Variants in HS3ST3A1 observed in about 807,000 individuals in gnomAD.
HS3ST3A1 encodes the protein heparan sulfate-glucosamine 3-sulfotransferase 3A1, also known as heparan sulfate glucosamine 3-O-sulfotransferase 3A1.
HS3ST3A1 carries 19 observed loss-of-function variants against 25.7 expected under a neutral mutation model. The observed-to-expected ratio is 0.74, with a 90% CI of 0.52 to 1.08. The LOEUF (loss-of-function observed/expected upper bound fraction) is 1.08. Ranked by LOEUF, HS3ST3A1 falls within the 50% of genes least tolerant of loss-of-function variation. The pLI is 0.00. For missense variants in HS3ST3A1, 459 were observed against 594.3 expected (o/e 0.77, Z 2.37); for synonymous variants, 226 against 278.6 (o/e 0.81, Z 1.88).
intron 1 of HS3ST3A1, among the ~76,000 whole-genome samples, chr17:13,527,138 T>G (rs879483379): frequency 6.6e-6 from 1 of 152,132 alleles, no homozygotes; most frequent in African/African-American, 2.4e-5. Context: ...AAACAGCAGG[T>G]CCCAGGACTG....
intron 1 of HS3ST3A1, among the ~76,000 whole-genome samples, chr17:13,529,742 G>A (rs918115212): frequency 6.6e-6 from 1 of 152,096 alleles, no homozygotes; most frequent in African/African-American, 2.4e-5. Context: ...CATTTTGTGG[G>A]TTGACTTTGA....
intron 1 of HS3ST3A1, among the ~76,000 whole-genome samples, chr17:13,556,672 T>G (rs542037488): frequency 4.8e-4 from 72 of 151,282 alleles, no homozygotes; most frequent in African/African-American, 1.3e-3. Flanking sequence ...GCCAACATGG[T>G]GAAACCCTGT....
chr17:13,590,075 C>T (rs895244775), intron 1 of HS3ST3A1, among the ~76,000 whole-genome samples: 4 of 152,074 alleles, frequency 2.6e-5, no homozygotes, highest in African/African-American at 7.2e-5. Flanking sequence ...TCTGAACACT[C>T]GAGAGAGAAA....
At chr17:13,560,294 A>AAAAAAAAAAAAAAT (rs1477527492) in intron 1 of HS3ST3A1, among the ~76,000 whole-genome samples, 1 of 124,428 alleles carries the variant, frequency 8.0e-6, no homozygotes, top group Non-Finnish European at 1.6e-5. Flanking sequence ...GTCTCCAAAA[A>AAAAAAAAAAAAAAT]AAAAAAAAAA....
intron 1 of HS3ST3A1, among the ~76,000 whole-genome samples, chr17:13,593,233 CAAAAA>C (rs5819419): frequency 9.7e-6 from 1 of 103,170 alleles, no homozygotes; most frequent in African/African-American, 3.6e-5. Flanking sequence ...TGTTTGTAGC[CAAAAA>C]AAAAAAAAAA....
chr17:13,586,058 A>G (rs1254135816), intron 1 of HS3ST3A1, among the ~76,000 whole-genome samples: 1 of 151,662 alleles, frequency 6.6e-6, no homozygotes, highest in Non-Finnish European at 1.5e-5. Flanking sequence ...CATGTTGACC[A>G]GGATGGTCTT....
At chr17:13,559,097 A>G (rs3826370) in intron 1 of HS3ST3A1, among the ~76,000 whole-genome samples, 54,116 of 152,138 alleles carry the variant, frequency 0.36, 12,171 homozygotes, top group African/African-American at 0.64. Context: ...ACAATTATGT[A>G]AAACAAGGAA....
chr17:13,515,736 C>T lies in HS3ST3A1; in HGVS notation c.600-18918G>A, dbSNP rs565929640. Among the ~76,000 whole-genome samples, 8 of 152,200 alleles carry T rather than the reference C, an allele frequency of 5.3e-5. No individual in the cohort carries two copies. The South Asian group carries it at 1.5e-3, about 28-fold the overall frequency. ...ACTGCCAAACTGTTTTAAAAAGTGT[C>T]TCCCATTTCTCATTTCCCAAAAGCA... On this transcript the variant is annotated intron_variant, in intron 1 of 1. Transcript: ENST00000284110.
chr17:13,534,498 G>C (rs191952950), intron 1 of HS3ST3A1, among the ~76,000 whole-genome samples: 1 of 125,580 alleles, frequency 8.0e-6, no homozygotes, highest in African/African-American at 3.0e-5. Flanking sequence ...GAGCCCAGGA[G>C]TTTGAGACCA....
intron 1 of HS3ST3A1, among the ~76,000 whole-genome samples, chr17:13,522,603 C>T (rs1906283241): frequency 6.6e-6 from 1 of 152,086 alleles, no homozygotes; most frequent in African/African-American, 2.4e-5. Context: ...TTATATATTT[C>T]AGGAGACAAT....
chr17:13,578,118 C>T (rs768197471), intron 1 of HS3ST3A1, among the ~76,000 whole-genome samples: 81 of 152,042 alleles, frequency 5.3e-4, no homozygotes, highest in Non-Finnish European at 6.9e-4. Flanking sequence ...AAGGAGTCCA[C>T]GGCAGTTTTA....
intron 1 of HS3ST3A1, among the ~76,000 whole-genome samples, chr17:13,560,572 G>T (rs117878017): frequency 6.6e-6 from 1 of 152,062 alleles, no homozygotes; most frequent in African/African-American, 2.4e-5. Context: ...CGTGTGTCTG[G>T]ATTTTTGGTT....
chr17:13,580,585 G>C (rs1908083715), intron 1 of HS3ST3A1, among the ~76,000 whole-genome samples: 1 of 152,064 alleles, frequency 6.6e-6, no homozygotes, highest in African/African-American at 2.4e-5. Context: ...CAGATTTTAG[G>C]GGTAAGACTC....
intron 1 of HS3ST3A1, among the ~76,000 whole-genome samples, chr17:13,586,684 G>C (rs1315568443): frequency 1.3e-5 from 2 of 150,752 alleles, no homozygotes; most frequent in East Asian, 1.9e-4. Context: ...TGGCTAACAC[G>C]GTGAAACCCC....
chr17:13,550,315 T>C (rs867273814), intron 1 of HS3ST3A1, among the ~76,000 whole-genome samples: 11 of 152,278 alleles, frequency 7.2e-5, no homozygotes, highest in South Asian at 4.1e-4. Context: ...CTACACCTCA[T>C]TTGCCAACCT....
chr17:13,553,069 G>T (rs1907285027), intron 1 of HS3ST3A1, among the ~76,000 whole-genome samples: 2 of 152,082 alleles, frequency 1.3e-5, no homozygotes, highest in Admixed American at 1.3e-4. Flanking sequence ...GTTTTTCATG[G>T]GGCAGAGTCT....
chr17:13,596,878 C>T (rs911009708), intron 1 of HS3ST3A1, among the ~76,000 whole-genome samples: 7 of 152,012 alleles, frequency 4.6e-5, no homozygotes, highest in East Asian at 3.9e-4. Flanking sequence ...TCCTAGGAAT[C>T]GAAAGGGCCT....
Position 13,494,428 on chromosome 17 carries a change from TTAA to T in HS3ST3A1, c.*1766_*1768del, listed in dbSNP as rs1391401134. 2.6e-5 allele frequency among the ~76,000 whole-genome samples: 4 copies of T among 152,236 alleles called. No individual in the cohort carries two copies. The highest frequency in any genetic ancestry group is 4.8e-5 in the African/African-American group (2 of 41,466). On this transcript the variant is annotated 3_prime_UTR_variant, in exon 2 of 2. Transcript: ENST00000284110. ...TTTTTTCCTTCATTTTAATCCTGTG[TTAA>T]GCTTCTCAAGAAATATTTACATCAC...
At chr17:13,536,100 T>C (rs1456055109) in intron 1 of HS3ST3A1, among the ~76,000 whole-genome samples, 1 of 152,184 alleles carries the variant, frequency 6.6e-6, no homozygotes, top group African/African-American at 2.4e-5. Context: ...GATACTTTTA[T>C]GGTTAAAATA....
Sources: allele counts gnomAD v4.1 joint callset (sites outside exome capture counted in the v4.1 genomes callset), GRCh38; gene constraint gnomAD v4.1.1; transcripts MANE v1.5; gene names NCBI Gene and HGNC (gene_info 2026-07-23, HGNC 2026-07-21).